Variants in ERF observed in about 807,000 individuals in gnomAD.
ERF encodes the protein ETS2 repressor factor, also known as ETS domain-containing transcription factor ERF.
In ERF, 10 loss-of-function variants were observed where a neutral mutation model predicts 41.6. The ratio of observed to expected loss-of-function variants is 0.24; its 90% CI spans 0.15 to 0.41. The LOEUF (loss-of-function observed/expected upper bound fraction) is 0.41. Among genes scored for constraint, ERF ranks in the 10% least tolerant of loss-of-function variants. ERF has a pLI of 1.00. For synonymous variants in ERF, 395 were observed against 342.4 expected (o/e 1.15, Z -1.70); for missense variants, 621 against 763.2 (o/e 0.81, Z 2.19).
chr19:42,253,009 G>C (rs1215540672), intron 1 of ERF, among the ~76,000 whole-genome samples: 1 of 152,198 alleles, frequency 6.6e-6, no homozygotes, highest in Non-Finnish European at 1.5e-5. Flanking sequence ...GCAGCAGTCA[G>C]ACAGCAAGGG....
At chr19:42,252,048 C>G (rs530513694) in intron 1 of ERF, among the ~76,000 whole-genome samples, 1 of 152,278 alleles carries the variant, frequency 6.6e-6, no homozygotes, top group East Asian at 1.9e-4. Flanking sequence ...TTCCAGAGAC[C>G]CCAGAGCACC....
In ERF at chr19:42,248,256, A is replaced by C; in HGVS notation, c.*209T>G. ...GCCCAGAGCTTAGAAACCCACAGAG[A>C]CAGGGAATAGCCCCTAGCCCTGGGC... On this transcript the variant is annotated 3_prime_UTR_variant, in exon 4 of 4. Coordinates refer to ENST00000222329, the MANE Select transcript of ERF (RefSeq NM_006494.4). The surrounding 1 kb of genome is among the most constrained non-coding windows in gnomAD (Gnocchi z 4.2). The C allele has an allele frequency of 4.7e-6, 1 of 211,154 alleles. No homozygotes were observed. Among genetic ancestry groups the C allele is most frequent in the Non-Finnish European group, 9.0e-6 (1 of 111,632 alleles). 13.1% of individuals were successfully genotyped at this position (211,154 alleles called of 1,614,324 possible). A position where few individuals can be genotyped will look rare whatever the true frequency, so the allele number is the denominator to read the frequency against.
intron 1 of ERF, chr19:42,254,009 G>A (rs925981423): frequency 5.4e-6 from 5 of 929,692 alleles, no homozygotes; most frequent in Non-Finnish European, 6.4e-6. Context: ...CCCCCTGCGC[G>A]CTCGGGCGCA....
In ERF at chr19:42,248,363, G is replaced by A; in HGVS notation, c.*102C>T. On this transcript the variant is annotated 3_prime_UTR_variant, in exon 4 of 4. Coordinates refer to ENST00000222329, the MANE Select transcript of ERF (RefSeq NM_006494.4). The surrounding 1 kb of genome is among the most constrained non-coding windows in gnomAD (Gnocchi z 4.2). Reference sequence around the variant, plus strand: ...GGGGAGGGAAAAGGGAGGAGGCAGGGAAGAGACAAGAGAGCTGCCCTCACC... The same window carrying A: ...GGGGAGGGAAAAGGGAGGAGGCAGGAAAGAGACAAGAGAGCTGCCCTCACC... 9.6e-7 allele frequency: 1 copy of A among 1,043,838 alleles called. No individual in the cohort carries two copies. The highest frequency in any genetic ancestry group is 1.3e-6 in the Non-Finnish European group (1 of 785,172). 64.7% of individuals were successfully genotyped at this position (1,043,838 alleles called of 1,614,324 possible).
In ERF at chr19:42,254,716, G is replaced by A. The variant is rs1006877649; in HGVS notation, c.22+262C>T. 5.9e-5 allele frequency: 21 copies of A among 357,948 alleles called. No individual in the cohort carries two copies. The Admixed American group carries it at 8.3e-4, about 14-fold the overall frequency. 22.2% of individuals were successfully genotyped at this position (357,948 alleles called of 1,614,324 possible). ...CCCCCGTGATCCCGGGAGTGGGGGA[G>A]AGCCCGGCCTGCGGGGTCCCGGTAG... is the stretch of plus-strand genomic sequence containing the variant. On this transcript the variant is annotated intron_variant, in intron 1 of 3. Transcript: ENST00000222329.
intron 1 of ERF, among the ~76,000 whole-genome samples, chr19:42,253,104 G>T (rs911116647): frequency 6.6e-6 from 1 of 152,184 alleles, no homozygotes; most frequent in Non-Finnish European, 1.5e-5. Flanking sequence ...CAAGCCTGGG[G>T]GGACAAAACT....
Position 42,250,074 on chromosome 19 carries a change from G to A in ERF, c.258-132C>T, listed in dbSNP as rs1291446131. On this transcript the variant is annotated intron_variant, in intron 2 of 3. Coordinates refer to ENST00000222329, the MANE Select transcript of ERF (RefSeq NM_006494.4). The surrounding 1 kb of genome is among the most constrained non-coding windows in gnomAD (Gnocchi z 5.1). The stretch of plus-strand genomic sequence containing the variant: ...ACGTAGGCCACAAAAGACAAATCAA[G>A]TGCCCAGAGGGTGGGTACCAGCTCT... The A allele has an allele frequency of 7.0e-5, 64 of 919,024 alleles. No homozygotes were observed. The highest frequency in any genetic ancestry group is 5.2e-5 in the Non-Finnish European group (30 of 572,940). 56.9% of individuals were successfully genotyped at this position (919,024 alleles called of 1,614,324 possible).
At position 42,248,543 on chromosome 19, in the gene ERF, C is replaced by A; in HGVS notation, c.1569G>T (p.Gly523=). 2 of 1,544,788 alleles carry A rather than the reference C, an allele frequency of 1.3e-6. No homozygotes were observed. The highest frequency in any genetic ancestry group is 1.2e-5 in the South Asian group (1 of 80,674). The part of the protein sequence containing the change: ...VRGEGPGEAG[G]PLTPRRVSSD... Reference sequence around the variant, plus strand: ...AGCTCACCCGCCTTGGGGTGAGGGGCCCCCCAGCCTCCCCAGGCCCCTCCC... The same window carrying A: ...AGCTCACCCGCCTTGGGGTGAGGGGACCCCCAGCCTCCCCAGGCCCCTCCC... The change falls in exon 4 of 4, where the codon GGG becomes GGT. Residue 523 remains glycine, a synonymous_variant. Transcript: ENST00000222329. This position sits in a 1 kb window ranked among gnomAD's most constrained non-coding sequence, Gnocchi z 4.2.
At position 42,250,111 on chromosome 19, in the gene ERF, T is replaced by TAA; in HGVS notation, c.258-171_258-170dup. On this transcript the variant is annotated intron_variant, in intron 2 of 3. Transcript: ENST00000222329. This position sits in a 1 kb window ranked among gnomAD's most constrained non-coding sequence, Gnocchi z 5.1. ...TGGGTACCAGCTCTCTCCTCACATCTAAGGCAGGACTAGAGGATCCACTGG... is the reference window on the plus strand; with the variant it reads ...TGGGTACCAGCTCTCTCCTCACATCTAAAAGGCAGGACTAGAGGATCCACTGG... The TAA allele has an allele frequency of 1.3e-6, 1 of 770,178 alleles. No individual in the cohort carries two copies. 47.7% of individuals were successfully genotyped at this position (770,178 alleles called of 1,614,324 possible).
chr19:42,251,199 C>T, intron 1 of ERF: 5 of 984,640 alleles, frequency 5.1e-6, no homozygotes, highest in Non-Finnish European at 6.0e-6. Flanking sequence ...TGAGAGGCCC[C>T]CCAAGCCCTG....
rs2146950163 is a variant in ERF at position 42,249,486 on chromosome 19, G to C, written c.626C>G (p.Pro209Arg). Residue 209 changes from proline to arginine, a missense_variant, in exon 4 of 4, where the codon CCC becomes CGC. Around this residue, in one of 3 missense-constraint regions of ERF, gnomAD observed 569 missense variants for 625.5 expected, o/e 0.91. Coordinates refer to ENST00000222329, the MANE Select transcript of ERF (RefSeq NM_006494.4). This position sits in a 1 kb window ranked among gnomAD's most constrained non-coding sequence, Gnocchi z 8.6. ...PLGEDPRARP[P>R]GPPDLGAFRG... ...GAAGGCACCCAGATCCGGAGGGCCGGGTGGTCGGGCGCGGGGATCCTCTCC... is the reference window on the plus strand; with the variant it reads ...GAAGGCACCCAGATCCGGAGGGCCGCGTGGTCGGGCGCGGGGATCCTCTCC... 1 of 1,609,738 alleles carries C rather than the reference G, an allele frequency of 6.2e-7. No homozygotes were observed. The highest frequency in any genetic ancestry group is 8.5e-7 in the Non-Finnish European group (1 of 1,178,584).
At position 42,250,227 on chromosome 19, in the gene ERF, G is replaced by T; in HGVS notation, c.257+104C>A. On this transcript the variant is annotated intron_variant, in intron 2 of 3. Transcript: ENST00000222329. This position sits in a 1 kb window ranked among gnomAD's most constrained non-coding sequence, Gnocchi z 5.1. ...CCCAAGGTCACACAGCTAGGATTTG[G>T]CAAAGCCAGGGGTCAGACCCAATGC... 7.4e-7 allele frequency: 1 copy of T among 1,355,956 alleles called. No individual in the cohort carries two copies. The highest frequency in any genetic ancestry group is 1.0e-6 in the Non-Finnish European group (1 of 986,124). 84.0% of individuals were successfully genotyped at this position (1,355,956 alleles called of 1,614,324 possible).
rs1398417763 is a variant in ERF at position 42,249,230 on chromosome 19, G to A, written c.882C>T (p.Pro294=). Residue 294 remains proline, a synonymous_variant, in exon 4 of 4, where the codon CCC becomes CCT. Transcript: ENST00000222329. The surrounding 1 kb of genome is among the most constrained non-coding windows in gnomAD (Gnocchi z 8.6). ...SPMYPSGGGG[P]SGSGGGSHFS... is the part of the protein sequence containing the mutation. ...AGTGGGAGCCTCCCCCTGAGCCGCTGGGCCCCCCGCCACCACTGGGGTACA... is the reference window on the plus strand; with the variant it reads ...AGTGGGAGCCTCCCCCTGAGCCGCTAGGCCCCCCGCCACCACTGGGGTACA... 1.2e-6 allele frequency: 2 copies of A among 1,613,268 alleles called. No homozygotes were observed. The highest frequency in any genetic ancestry group is 8.5e-7 in the Non-Finnish European group (1 of 1,179,662).
intron 1 of ERF, among the ~76,000 whole-genome samples, chr19:42,254,070 GTCCGAGTGGGAGGGGGA>G (rs2036493358): frequency 6.7e-6 from 1 of 150,150 alleles, no homozygotes. Flanking sequence ...AGGGGGAAAA[GTCCGAGTGGGAGGGGGA>G]GTTAATCCCG....
chr19:42,248,761 C>T lies in ERF; in HGVS notation c.1351G>A (p.Gly451Arg), dbSNP rs750229302. The T allele has an allele frequency of 8.1e-6, 13 of 1,613,586 alleles. No individual in the cohort carries two copies. Among genetic ancestry groups the T allele is most frequent in the Non-Finnish European group, 1.0e-5 (12 of 1,179,962 alleles). The change falls in exon 4 of 4, where the codon GGG becomes AGG. Residue 451 changes from glycine to arginine, a missense_variant. Transcript: ENST00000222329. The surrounding 1 kb of genome is among the most constrained non-coding windows in gnomAD (Gnocchi z 4.2). ...GCACGGGGCGTCTTGAACACCTCCCCGTCTTCCTCATCCTCATCACTGATG... is the reference window on the plus strand; with the variant it reads ...GCACGGGGCGTCTTGAACACCTCCCTGTCTTCCTCATCCTCATCACTGATG... ...TDISDEDEED[G>R]EVFKTPRAPP...
intron 1 of ERF, among the ~76,000 whole-genome samples, chr19:42,252,362 C>A (rs1216116464): frequency 6.6e-6 from 1 of 152,182 alleles, no homozygotes; most frequent in African/African-American, 2.4e-5. Context: ...TTAAAGCCAC[C>A]CTTCCCAGCC....
In ERF at chr19:42,250,606, C is replaced by A; in HGVS notation, c.23-41G>T. On this transcript the variant is annotated intron_variant, in intron 1 of 3. Transcript: ENST00000222329. This position sits in a 1 kb window ranked among gnomAD's most constrained non-coding sequence, Gnocchi z 5.1. The stretch of plus-strand genomic sequence containing the variant: ...AGGGAGTGGCCTGGGGTCAGGCTGC[C>A]AAGTCCAGGGCTCTGGGTCCCATCC... 1.9e-6 allele frequency: 3 copies of A among 1,593,008 alleles called. No individual in the cohort carries two copies. The highest frequency in any genetic ancestry group is 2.6e-6 in the Non-Finnish European group (3 of 1,168,384).
chr19:42,253,291 G>A (rs943696699), intron 1 of ERF, among the ~76,000 whole-genome samples: 1 of 152,176 alleles, frequency 6.6e-6, no homozygotes, highest in African/African-American at 2.4e-5. Flanking sequence ...CAGGAAGTGG[G>A]AAACAGCCAC....
In ERF at chr19:42,249,963, T is replaced by C. The variant is rs760926921; in HGVS notation, c.258-21A>G. ...AATAGCTGTGGGTACAGAAATGCCA[T>C]TGGGAAGGTCAGGTACGTGGGACCC... is the stretch of plus-strand genomic sequence containing the variant. On this transcript the variant is annotated intron_variant, in intron 2 of 3. Transcript: ENST00000222329. This position sits in a 1 kb window ranked among gnomAD's most constrained non-coding sequence, Gnocchi z 8.6. The C allele has an allele frequency of 6.8e-6, 11 of 1,610,884 alleles. No homozygotes were observed. Among genetic ancestry groups the C allele is most frequent in the Admixed American group, 5.0e-5 (3 of 60,008 alleles).
Sources: allele counts gnomAD v4.1 joint callset (sites outside exome capture counted in the v4.1 genomes callset), GRCh38; gene constraint gnomAD v4.1.1; regional missense constraint gnomAD v4.1.1; non-coding constraint Gnocchi (gnomAD v3.1); transcripts MANE v1.5; gene names NCBI Gene and HGNC (gene_info 2026-07-23, HGNC 2026-07-21).